ZNF536: variants seen among roughly 807,000 people sequenced by gnomAD.
The protein encoded by ZNF536 is zinc finger protein 536.
A neutral mutation model predicts 84.5 loss-of-function variants in ZNF536; 13 were observed. That is an observed-to-expected ratio of 0.15 (90% CI 0.10 to 0.24). The LOEUF (loss-of-function observed/expected upper bound fraction) is 0.24. Among genes scored for constraint, ZNF536 ranks in the 10% least tolerant of loss-of-function variants. The pLI is 1.00. For synonymous variants in ZNF536, 811 were observed against 742.5 expected (o/e 1.09, Z -1.50); for missense variants, 1,536 against 1,747.5 (o/e 0.88, Z 2.16).
intron 2 of ZNF536, among the ~76,000 whole-genome samples, chr19:30,488,179 C>T (rs112452109): frequency 0.015 from 2,264 of 152,294 alleles, 64 homozygotes; most frequent in African/African-American, 0.052. Context: ...ATCCCTAGAC[C>T]TTCCTGGTGT....
At chr19:30,620,029 C>CTTTT (rs35581619) in intron 1 of ZNF536, among the ~76,000 whole-genome samples, 1 of 135,092 alleles carries the variant, frequency 7.4e-6, no homozygotes, top group African/African-American at 2.7e-5. Context: ...TTCCTCTATG[C>CTTTT]TTTTTTTTTT....
At chr19:30,326,056 A>C (rs1046735543) in intron 2 of ZNF536, among the ~76,000 whole-genome samples, 1 of 152,206 alleles carries the variant, frequency 6.6e-6, no homozygotes, top group African/African-American at 2.4e-5. Context: ...CTACATGTGG[A>C]GTGTTCTTTA....
At chr19:30,530,822 G>T (rs1377542151) in intron 2 of ZNF536, among the ~76,000 whole-genome samples, 1 of 152,204 alleles carries the variant, frequency 6.6e-6, no homozygotes, top group Non-Finnish European at 1.5e-5. Flanking sequence ...TATACTCGGG[G>T]TAGAGAAGGA....
intron 1 of ZNF536, among the ~76,000 whole-genome samples, chr19:30,606,922 T>A (rs774097816): frequency 2.2e-4 from 33 of 151,864 alleles, no homozygotes; most frequent in Non-Finnish European, 4.6e-4. Flanking sequence ...CAGCTATTGG[T>A]GGAGGCCCCA....
intron 1 of ZNF536, among the ~76,000 whole-genome samples, chr19:30,586,368 C>A (rs1189691900): frequency 6.6e-6 from 1 of 152,340 alleles, no homozygotes; most frequent in South Asian, 2.1e-4. Context: ...CCACCATGTT[C>A]TATTGCATGT....
At chr19:30,642,976 T>TC (rs2049321030) in intron 1 of ZNF536, among the ~76,000 whole-genome samples, 1 of 152,176 alleles carries the variant, frequency 6.6e-6, no homozygotes, top group Non-Finnish European at 1.5e-5. Context: ...ACACCAAAAG[T>TC]CATGGAGCTG....
At chr19:30,601,660 G>A (rs1353727405) in intron 1 of ZNF536, among the ~76,000 whole-genome samples, 3 of 152,152 alleles carry the variant, frequency 2.0e-5, no homozygotes, top group Non-Finnish European at 4.4e-5. Flanking sequence ...GAAACACAAA[G>A]CAAGGTGGGC....
intron 1 of ZNF536, among the ~76,000 whole-genome samples, chr19:30,614,613 C>A (rs1013669571): frequency 6.6e-6 from 1 of 151,864 alleles, no homozygotes; most frequent in Non-Finnish European, 1.5e-5. Context: ...AACATCTTTC[C>A]ATATGTTTAA....
chr19:30,553,736 A>C lies in ZNF536; in HGVS notation c.3896-3421A>C, dbSNP rs571861865. ...TCCCAGCACTCTGGGAGGCTGAGGC[A>C]GGGGCGTTGCATAAGCCCAGGAGTT... On this transcript the variant is annotated intron_variant, in intron 4 of 4. Coordinates refer to ENST00000355537, the MANE Select transcript of ZNF536 (RefSeq NM_014717.3). Among the ~76,000 whole-genome samples, 21 of 152,350 alleles carry C rather than the reference A, an allele frequency of 1.4e-4. No individual in the cohort carries two copies. In the South Asian group the frequency reaches 3.1e-3, roughly 23 times the overall value.
chr19:30,347,024 T>C (rs1186297629), intron 2 of ZNF536, among the ~76,000 whole-genome samples: 1 of 152,176 alleles, frequency 6.6e-6, no homozygotes, highest in Non-Finnish European at 1.5e-5. Flanking sequence ...TTTGACGTTT[T>C]AATAGCCATT....
chr19:30,617,786 A>G (rs1412490633), intron 1 of ZNF536, among the ~76,000 whole-genome samples: 1 of 152,146 alleles, frequency 6.6e-6, no homozygotes, highest in Admixed American at 6.5e-5. Context: ...CTATCTTTAA[A>G]AAGTTTTTAA....
chr19:30,453,755 C>A (rs968913602), intron 2 of ZNF536, among the ~76,000 whole-genome samples: 1 of 152,226 alleles, frequency 6.6e-6, no homozygotes, highest in Non-Finnish European at 1.5e-5. Context: ...CTGGGCAAAA[C>A]GGGGGCCATG....
At chr19:30,346,673 T>A (rs1050985098) in intron 2 of ZNF536, among the ~76,000 whole-genome samples, 2 of 152,242 alleles carry the variant, frequency 1.3e-5, no homozygotes, top group East Asian at 3.8e-4. Flanking sequence ...AAGGACATGA[T>A]CTTGTTCTTT....
chr19:30,391,992 G>A (rs1489820132), intron 1 of ZNF536, among the ~76,000 whole-genome samples: 3 of 151,882 alleles, frequency 2.0e-5, no homozygotes, highest in Non-Finnish European at 4.4e-5. Flanking sequence ...CTTCACCCCC[G>A]CCAAAAAAAG....
chr19:30,395,934 A>G (rs901462659), intron 1 of ZNF536, among the ~76,000 whole-genome samples: 1 of 152,174 alleles, frequency 6.6e-6, no homozygotes, highest in African/African-American at 2.4e-5. Flanking sequence ...AACATCCCCC[A>G]CTACATCAGT....
chr19:30,347,632 A>T (rs1379093298), intron 2 of ZNF536, among the ~76,000 whole-genome samples: 2 of 152,164 alleles, frequency 1.3e-5, no homozygotes, highest in Non-Finnish European at 2.9e-5. Flanking sequence ...GCTCTCAGCC[A>T]CTGCGGCCCC....
intron 1 of ZNF536, among the ~76,000 whole-genome samples, chr19:30,231,435 C>T (rs1237978193): frequency 6.6e-6 from 1 of 152,228 alleles, no homozygotes; most frequent in East Asian, 1.9e-4. Context: ...GGGGCTTCCT[C>T]TGAACTCACA....
At chr19:30,678,236 A>C (rs979918638) in intron 1 of ZNF536, among the ~76,000 whole-genome samples, 1 of 152,162 alleles carries the variant, frequency 6.6e-6, no homozygotes, top group Admixed American at 6.5e-5. Flanking sequence ...GGGCCGGGTT[A>C]TGGCCGCTGG....
intron 2 of ZNF536, among the ~76,000 whole-genome samples, chr19:30,510,934 C>T (rs917715584): frequency 1.3e-5 from 2 of 152,148 alleles, no homozygotes; most frequent in Non-Finnish European, 2.9e-5. Flanking sequence ...GTCTGTTGCC[C>T]GGGTCAGGCG....
Sources: gnomAD v4.1 joint callset for allele counts (sites outside exome capture counted in the v4.1 genomes callset) on GRCh38, gnomAD v4.1.1 for gene constraint, MANE v1.5 for transcripts, NCBI Gene and HGNC (gene_info 2026-07-23, HGNC 2026-07-21) for gene names.